Variants in RAPGEF6 observed in about 807,000 individuals in gnomAD.
RAPGEF6 encodes the protein Rap guanine nucleotide exchange factor 6.
Under a neutral mutation model 171.4 loss-of-function variants are expected in RAPGEF6, and 56 were observed. The ratio of observed to expected loss-of-function variants is 0.33; its 90% confidence interval spans 0.26 to 0.41. The LOEUF (loss-of-function observed/expected upper bound fraction) is 0.41. RAPGEF6 is among the 10% of genes least tolerant of loss of function. RAPGEF6 has a pLI of 1.00. For missense variants in RAPGEF6, 1,674 were observed against 1,921.4 expected, an observed-to-expected ratio of 0.87 and a Z score of 2.41; for synonymous variants, 692 against 650.1, an observed-to-expected ratio of 1.06 and a Z score of -0.98.
At chr5:131,576,591 C>T (rs1170118610) in intron 4 of RAPGEF6, among the ~76,000 whole-genome samples, 2 of 152,220 alleles carry the variant, frequency 1.3e-5, no homozygotes, top group African/African-American at 4.8e-5. Flanking sequence ...CCAGATCCCA[C>T]TGCTTGAGGC....
At chr5:131,584,944 A>G (rs1005481963) in intron 4 of RAPGEF6, among the ~76,000 whole-genome samples, 14 of 152,250 alleles carry the variant, frequency 9.2e-5, no homozygotes, top group Non-Finnish European at 1.8e-4. Context: ...AATCCACTGG[A>G]CAGTTACAGT....
chr5:131,539,015 CA>C (rs1435158616), intron 6 of RAPGEF6, among the ~76,000 whole-genome samples: 1 of 152,078 alleles, frequency 6.6e-6, no homozygotes, highest in African/African-American at 2.4e-5. Flanking sequence ...TAGAAAGAAT[CA>C]CAAAGAATAT....
rs1301959107 is a variant in RAPGEF6 at position 131,592,401 on chromosome 5, A to C, written c.263T>G (p.Met88Arg). 6.2e-7 allele frequency: 1 copy of C among 1,613,894 alleles called. No individual in the cohort carries two copies. The highest frequency in any genetic ancestry group is 1.3e-5 in the African/African-American group (1 of 74,944). ...AACGTACCTGCAAGGAGGCAAGACC[A>C]TGGAGCCTTTCACAAGCACAGATCC... ...LSGSVLVKGS[M>R]VLPPCSFGKQ... is the part of the protein sequence containing the mutation. Residue 88 changes from methionine (M) to arginine (R), a missense_variant, in exon 4 of 28, where the codon ATG becomes AGG. Physicochemically the swap from Met to Arg is moderately conservative, Grantham distance 91. Coordinates refer to ENST00000509018, the MANE Select transcript of RAPGEF6 (RefSeq NM_016340.6).
At position 131,593,608 on chromosome 5, in the gene RAPGEF6, CAA is replaced by C. The variant is rs1284657466; in HGVS notation, c.198-1144_198-1143del. 5.9e-5 allele frequency among the ~76,000 whole-genome samples: 9 copies of C among 152,164 alleles called. No individual in the cohort carries two copies. The East Asian group carries it at 1.7e-3, about 29-fold the overall frequency. On this transcript the variant is annotated intron_variant, in intron 3 of 27. Transcript: ENST00000509018. ...CCAAAATACTGATAAGTGATATAAA[CAA>C]TGAAGTCCAGGCTGAGGTGATCTCA... is the stretch of plus-strand genomic sequence containing the variant.
chr5:131,455,866 C>CT lies in RAPGEF6; in HGVS notation c.3010dup (p.Ser1004LysfsTer22). Reference sequence around the variant, plus strand: ...GAGTGGAATAATTGGAGGCTGCATACTTTGACTACTAAGAATATTTCTATA... The same window carrying CT: ...GAGTGGAATAATTGGAGGCTGCATACTTTTGACTACTAAGAATATTTCTATA... On this transcript the variant is annotated frameshift_variant, in exon 20 of 28. Coordinates refer to ENST00000509018, the MANE Select transcript of RAPGEF6 (RefSeq NM_016340.6). LOFTEE classifies it high-confidence loss of function. 4 of 1,613,938 alleles carry CT rather than the reference C, an allele frequency of 2.5e-6. No individual in the cohort carries two copies. Among genetic ancestry groups the CT allele is most frequent in the Non-Finnish European group, 3.4e-6 (4 of 1,179,858 alleles).
At chr5:131,473,457 A>G (rs892456413) in intron 16 of RAPGEF6, among the ~76,000 whole-genome samples, 3 of 152,222 alleles carry the variant, frequency 2.0e-5, no homozygotes, top group African/African-American at 7.2e-5. Flanking sequence ...AGAAACAAAC[A>G]CTGTCACTTA....
chr5:131,472,348 G>A, intron 17 of RAPGEF6: 1 of 521,398 alleles, frequency 1.9e-6, no homozygotes, highest in Non-Finnish European at 3.5e-6. Context: ...TGGGATTACA[G>A]GCGTGAGCCA....
rs370078084 is a variant in RAPGEF6 at position 131,549,747 on chromosome 5, G to A, written c.352-1557C>T. On this transcript the variant is annotated intron_variant, in intron 5 of 27. Transcript: ENST00000509018. ...TTTAACTTTTATTTTAAGTTCAGCAGTACAAGCACAGGTTTATTACGCAGG... is the reference window on the plus strand; with the variant it reads ...TTTAACTTTTATTTTAAGTTCAGCAATACAAGCACAGGTTTATTACGCAGG... 7.9e-5 allele frequency among the ~76,000 whole-genome samples: 12 copies of A among 152,014 alleles called. No homozygotes were observed. In the South Asian group the frequency reaches 2.3e-3, roughly 29 times the overall value.
At chr5:131,465,668 AGC>A (rs1754285368) in intron 17 of RAPGEF6, among the ~76,000 whole-genome samples, 1 of 152,050 alleles carries the variant, frequency 6.6e-6, no homozygotes, top group Non-Finnish European at 1.5e-5. Context: ...TTGTAGTTCC[AGC>A]TACTCGGGAG....
At position 131,604,681 on chromosome 5, in the gene RAPGEF6, T is replaced by C. The variant is rs781127986; in HGVS notation, c.82A>G (p.Ile28Val). The C allele has an allele frequency of 3.1e-6, 5 of 1,610,060 alleles. No individual in the cohort carries two copies. The African/African-American group carries it at 4.0e-5, about 13-fold the overall frequency. Residue 28 changes from isoleucine (I) to valine (V), a missense_variant, in exon 2 of 28, where the codon ATT (isoleucine) becomes GTT (valine). This residue lies in a region of RAPGEF6 where 1,116 missense variants were observed against 1,321.5 expected (regional missense o/e 0.84). Transcript: ENST00000509018. ...TCCATTCCATGAAGATAAGAATAAA[T>C]AGTATTTAAGTCCTGTGGAACAGAA... ...PERTPEDLNT[I>V]YSYLHGMEIL...
chr5:131,499,984 C>T (rs1010669617), intron 11 of RAPGEF6, among the ~76,000 whole-genome samples: 9 of 152,236 alleles, frequency 5.9e-5, no homozygotes, highest in Non-Finnish European at 1.2e-4. Context: ...CTGCAACTTC[C>T]GCCTCCTGGG....
chr5:131,606,788 G>A (rs1422871), intron 1 of RAPGEF6, among the ~76,000 whole-genome samples: 118,602 of 152,116 alleles, frequency 0.78, 46,622 homozygotes, highest in African/African-American at 0.84. Flanking sequence ...AATGTTGTGA[G>A]GAAGCTCCAG....
intron 6 of RAPGEF6, among the ~76,000 whole-genome samples, chr5:131,522,602 G>C (rs183089045): frequency 7.9e-4 from 120 of 152,228 alleles, no homozygotes; most frequent in Non-Finnish European, 5.7e-4. Context: ...ATAATGGTAT[G>C]TTAGATAATT....
At chr5:131,519,310 G>C (rs1758316792) in intron 7 of RAPGEF6, among the ~76,000 whole-genome samples, 1 of 152,186 alleles carries the variant, frequency 6.6e-6, no homozygotes, top group Non-Finnish European at 1.5e-5. Context: ...TAAAGCATTG[G>C]TCTTTCCAAG....
At chr5:131,469,982 C>G (rs1359752409) in intron 17 of RAPGEF6, among the ~76,000 whole-genome samples, 1 of 152,000 alleles carries the variant, frequency 6.6e-6, no homozygotes, top group African/African-American at 2.4e-5. Flanking sequence ...TTGGCTGTTA[C>G]ACATGTCCTA....
chr5:131,511,069 T>C (rs1237710254), intron 7 of RAPGEF6, among the ~76,000 whole-genome samples: 1 of 152,208 alleles, frequency 6.6e-6, no homozygotes, highest in Non-Finnish European at 1.5e-5. Flanking sequence ...TACTGTAGGA[T>C]CTAAAAGTGT....
At chr5:131,430,751 G>T in intron 26 of RAPGEF6, 108 bp downstream of exon 26, 1 of 1,403,006 alleles carries the variant, frequency 7.1e-7, no homozygotes, top group Non-Finnish European at 1.0e-6. Context: ...AAGAAAGGTT[G>T]TTAGAGAATG....
At chr5:131,559,260 C>G (rs1030544858) in intron 5 of RAPGEF6, among the ~76,000 whole-genome samples, 1 of 152,066 alleles carries the variant, frequency 6.6e-6, no homozygotes, top group African/African-American at 2.4e-5. Flanking sequence ...GTCTGGGAGA[C>G]AGAGGTTGCA....
chr5:131,528,626 C>A (rs1759152582), intron 6 of RAPGEF6, among the ~76,000 whole-genome samples: 1 of 151,942 alleles, frequency 6.6e-6, no homozygotes, highest in Non-Finnish European at 1.5e-5. Flanking sequence ...TTTGAAACCA[C>A]AGAGAAGCTT....
Sources: allele counts gnomAD v4.1 joint callset (sites outside exome capture counted in the v4.1 genomes callset), GRCh38; gene constraint gnomAD v4.1.1; regional missense constraint gnomAD v4.1.1; transcripts MANE v1.5; gene names NCBI Gene and HGNC (gene_info 2026-07-23, HGNC 2026-07-21).